DDX24: variants seen among roughly 807,000 people sequenced by gnomAD.
The protein encoded by DDX24 is ATP-dependent RNA helicase DDX24.
A neutral mutation model predicts 68.9 loss-of-function variants in DDX24; 24 were observed. That is an observed-to-expected ratio of 0.35 (90% confidence interval 0.25 to 0.49). DDX24 has a LOEUF of 0.49. DDX24 is among the 20% of genes least tolerant of loss of function. DDX24 has a pLI of 0.99. For missense variants in DDX24, 989 were observed against 1,039.0 expected, an observed-to-expected ratio of 0.95 and a Z score of 0.66; for synonymous variants, 395 against 385.2, an observed-to-expected ratio of 1.03 and a Z score of -0.30.
At chr14:94,060,824 G>C (rs563658307) in intron 4 of DDX24, 89 bp downstream of exon 4, 2 of 1,542,362 alleles carry the variant, frequency 1.3e-6, no homozygotes, top group East Asian at 2.3e-5. Flanking sequence ...AGCATTCTGC[G>C]ATGAGAAGAA....
At chr14:94,069,661 C>T (rs1032636475) in intron 2 of DDX24, among the ~76,000 whole-genome samples, 1 of 152,156 alleles carries the variant, frequency 6.6e-6, no homozygotes, top group South Asian at 2.1e-4. Flanking sequence ...AGATAACCCA[C>T]CATGATCAAG....
rs138470335 is a variant in DDX24 at position 94,073,171 on chromosome 14, C to T, written c.718+5854G>A. Among the ~76,000 whole-genome samples the T allele has an allele frequency of 5.3e-3, 799 of 151,456 alleles. 5 individuals carry two copies. The highest frequency in any genetic ancestry group is 0.018 in the African/African-American group (748 of 41,198). On this transcript the variant is annotated intron_variant, in intron 2 of 8. Coordinates refer to ENST00000621632, the MANE Select transcript of DDX24 (RefSeq NM_020414.4). Reference sequence around the variant, plus strand: ...CACAATCTCAGCTCACTGCAACCTCCGCCCCCTGGGTTCAAGCAATTCTTG... The same window carrying T: ...CACAATCTCAGCTCACTGCAACCTCTGCCCCCTGGGTTCAAGCAATTCTTG...
intron 8 of DDX24, among the ~76,000 whole-genome samples, chr14:94,052,238 C>G (rs1297941544): frequency 6.6e-6 from 1 of 152,230 alleles, no homozygotes; most frequent in Non-Finnish European, 1.5e-5. Flanking sequence ...AGATTTGGTT[C>G]TACCACTTTT....
chr14:94,063,002 TTTC>T (rs1252491897), intron 2 of DDX24, among the ~76,000 whole-genome samples: 1 of 152,200 alleles, frequency 6.6e-6, no homozygotes, highest in Non-Finnish European at 1.5e-5. Context: ...AAAAGAAAAT[TTTC>T]TTAAGTTTTC....
At chr14:94,061,487 T>C (rs1885595545) in intron 3 of DDX24, among the ~76,000 whole-genome samples, 1 of 152,350 alleles carries the variant, frequency 6.6e-6, no homozygotes, top group South Asian at 2.1e-4. Context: ...AATGCCCTGT[T>C]GTTTTCGTCT....
Position 94,065,933 on chromosome 14 carries a change from C to T in DDX24, c.719-3312G>A, listed in dbSNP as rs191163417. Among the ~76,000 whole-genome samples the T allele has an allele frequency of 2.4e-3, 365 of 152,334 alleles. 1 individual carries two copies. The highest frequency in any genetic ancestry group is 8.3e-3 in the African/African-American group (344 of 41,566). On this transcript the variant is annotated intron_variant, in intron 2 of 8. Coordinates refer to ENST00000621632, the MANE Select transcript of DDX24 (RefSeq NM_020414.4). ...GTGGCCACAGGAGCTGGGGGCAAAA[C>T]TCCACAGAAAGAAGGCATTCTCTAG...
intron 2 of DDX24, among the ~76,000 whole-genome samples, chr14:94,068,328 T>C (rs1307153819): frequency 6.6e-6 from 1 of 152,108 alleles, no homozygotes; most frequent in Non-Finnish European, 1.5e-5. Flanking sequence ...CCTAAACATA[T>C]ATGCACCTAA....
In DDX24 at chr14:94,065,820, G is replaced by A. The variant is rs145299319; in HGVS notation, c.719-3199C>T. ...TTAGAGAGCTGAGCGAAATACAGGG[G>A]TAGAAGAAGCAGCAGAAAGGCCCTG... On this transcript the variant is annotated intron_variant, in intron 2 of 8. Coordinates refer to ENST00000621632, the MANE Select transcript of DDX24 (RefSeq NM_020414.4). Among the ~76,000 whole-genome samples the A allele has an allele frequency of 1.2e-4, 19 of 152,280 alleles. No homozygotes were observed. The East Asian group carries it at 2.9e-3, about 23-fold the overall frequency.
rs771455114 is a variant in DDX24, at chr14:94,060,374, C to T, written c.1637G>A (p.Gly546Asp). Reference sequence around the variant, plus strand: ...TGTGAGGTCAATGACCTTGGGCTTGCCCCTCATGCCAATTTTCTGCATAAG... The same window carrying T: ...TGTGAGGTCAATGACCTTGGGCTTGTCCCTCATGCCAATTTTCTGCATAAG... Reference protein sequence around the residue: ...DLLMQKIGMRGKPKVIDLTRN... With the variant: ...DLLMQKIGMRDKPKVIDLTRN... Residue 546 changes from glycine to aspartate, a missense_variant, in exon 5 of 9, where the codon GGC becomes GAC. Gly to Asp is a moderately conservative substitution (Grantham distance 94, BLOSUM62 -1). Transcript: ENST00000621632. 6.8e-6 allele frequency: 11 copies of T among 1,614,050 alleles called. No homozygotes were observed. Among genetic ancestry groups the T allele is most frequent in the Non-Finnish European group, 8.5e-6 (10 of 1,180,044 alleles).
rs1885855905 is a variant in DDX24, at chr14:94,072,655, C to A, written c.718+6370G>T. On this transcript the variant is annotated intron_variant, in intron 2 of 8. Coordinates refer to ENST00000621632, the MANE Select transcript of DDX24 (RefSeq NM_020414.4). ...GACCAACCTGGCCAACGTGGTGAAA[C>A]CCTGTCTCTACTAAAAATGCAAAAA... is the stretch of plus-strand genomic sequence containing the variant. Among the ~76,000 whole-genome samples, 3 of 152,184 alleles carry A rather than the reference C, an allele frequency of 2.0e-5. No individual in the cohort carries two copies. The South Asian group carries it at 6.2e-4, about 32-fold the overall frequency.
At chr14:94,081,030 G>A (rs915707125) in intron 1 of DDX24, 89 bp downstream of exon 1, 5 of 152,244 alleles carry the variant, frequency 3.3e-5, no homozygotes, top group Admixed American at 1.3e-4. Flanking sequence ...GGAACCCACC[G>A]GCCCAGAGCG....
At chr14:94,065,045 G>A (rs1885671838) in intron 2 of DDX24, among the ~76,000 whole-genome samples, 1 of 138,386 alleles carries the variant, frequency 7.2e-6, no homozygotes, top group Non-Finnish European at 1.5e-5. Flanking sequence ...TGTTCTGTGG[G>A]TAGAAAATCT....
intron 8 of DDX24, 61 bp downstream of exon 8, chr14:94,052,937 C>T (rs1239727478): frequency 1.3e-6 from 2 of 1,562,082 alleles, no homozygotes; most frequent in Non-Finnish European, 1.7e-6. Context: ...ATGGTTCCAA[C>T]AAAGCAAAAG....
chr14:94,070,663 C>G (rs755844155), intron 2 of DDX24, among the ~76,000 whole-genome samples: 5 of 152,158 alleles, frequency 3.3e-5, no homozygotes, highest in African/African-American at 4.8e-5. Context: ...AAAATCGGCA[C>G]AAAGACCAAT....
intron 5 of DDX24, among the ~76,000 whole-genome samples, chr14:94,058,260 T>C (rs1567058129): frequency 6.6e-6 from 1 of 152,122 alleles, no homozygotes; most frequent in Non-Finnish European, 1.5e-5. Context: ...CAGACTTCCT[T>C]GCTCTTCCCC....
In DDX24 at chr14:94,048,740, C is replaced by G. The variant is rs1361399082; in HGVS notation, c.*2451G>C. On this transcript the variant is annotated 3_prime_UTR_variant, in exon 9 of 9. Coordinates refer to ENST00000621632, the MANE Select transcript of DDX24 (RefSeq NM_020414.4). The stretch of plus-strand genomic sequence containing the variant: ...TCGGTGGCTTCCCAAGCAGGAGTGT[C>G]AGGGGAACCATGAGAGAGAGTCTAG... 1 of 146,416 alleles carries G rather than the reference C, an allele frequency of 6.8e-6. No homozygotes were observed. Among genetic ancestry groups the G allele is most frequent in the Non-Finnish European group, 1.5e-5 (1 of 67,362 alleles). 9.1% of individuals were successfully genotyped at this position (146,416 alleles called of 1,614,324 possible). A position where few individuals can be genotyped will look rare whatever the true frequency, so the allele number is the denominator to read the frequency against.
intron 1 of DDX24, 142 bp from the exon 2 acceptor site, chr14:94,079,889 A>G (rs1886028459): frequency 1.3e-6 from 1 of 760,920 alleles, no homozygotes; most frequent in African/African-American, 1.7e-5. Flanking sequence ...CCACCTAGAG[A>G]AGAACAAAGA....
At chr14:94,079,866 C>T (rs2141439535) in intron 1 of DDX24, 119 bp from the exon 2 acceptor site, 1 of 893,204 alleles carries the variant, frequency 1.1e-6, no homozygotes, top group East Asian at 2.4e-5. Flanking sequence ...AGATGGCTAT[C>T]ACACAGTTGC....
At chr14:94,064,438 T>TG (rs751112231) in intron 2 of DDX24, among the ~76,000 whole-genome samples, 8 of 152,204 alleles carry the variant, frequency 5.3e-5, no homozygotes, top group African/African-American at 1.9e-4. Context: ...AGCTTCAGGA[T>TG]GGGGGATGGA....
Sources: allele counts gnomAD v4.1 joint callset (sites outside exome capture counted in the v4.1 genomes callset), GRCh38; gene constraint gnomAD v4.1.1; transcripts MANE v1.5; gene names NCBI Gene and HGNC (gene_info 2026-07-23, HGNC 2026-07-21).